Variants in CDH18 observed in about 807,000 individuals in gnomAD.
CDH18 encodes cadherin 18, also known as cadherin-18.
In CDH18, 31 loss-of-function variants were observed where a neutral mutation model predicts 67.9. The ratio of observed to expected loss-of-function variants is 0.46; its 90% CI spans 0.34 to 0.62. CDH18 has a LOEUF of 0.62. Among genes scored for constraint, CDH18 ranks in the 20% least tolerant of loss-of-function variants. CDH18 has a pLI of 0.01. For synonymous variants in CDH18, 362 were observed against 347.2 expected (o/e 1.04, Z -0.48); for missense variants, 890 against 975.5 (o/e 0.91, Z 1.17).
At chr5:20,325,665 AAAAG>A (rs940245723) in intron 1 of CDH18, among the ~76,000 whole-genome samples, 4 of 152,180 alleles carry the variant, frequency 2.6e-5, no homozygotes, top group African/African-American at 2.4e-5. Flanking sequence ...TTAGAAAAAA[AAAAG>A]AAATAAAAAC....
chr5:19,521,348 C>T lies in CDH18; in HGVS notation c.1391-570G>A, dbSNP rs1030633300. Among the ~76,000 whole-genome samples, 13 of 152,052 alleles carry T rather than the reference C, an allele frequency of 8.5e-5. No homozygotes were observed. The East Asian group carries it at 1.3e-3, about 16-fold the overall frequency. On this transcript the variant is annotated intron_variant, in intron 9 of 12. Coordinates refer to ENST00000382275, the MANE Select transcript of CDH18 (RefSeq NM_004934.5). ...ATACATGCAATTTACATGTAACTCT[C>T]GTAGATATCAAAATATATTCAATAG...
chr5:20,310,317 T>G (rs74745135), intron 1 of CDH18, among the ~76,000 whole-genome samples: 2,135 of 152,316 alleles, frequency 0.014, 54 homozygotes, highest in African/African-American at 0.048. Context: ...TATATCTGTG[T>G]TGTTTTATTT....
In CDH18 at chr5:20,341,807, T is replaced by C. The variant is rs148828301; in HGVS notation, c.-579-86302A>G. Among the ~76,000 whole-genome samples, 1,126 of 152,012 alleles carry C rather than the reference T, an allele frequency of 7.4e-3. 11 individuals are homozygous for C. The highest frequency in any genetic ancestry group is 0.026 in the African/African-American group (1,057 of 41,436). The stretch of plus-strand genomic sequence containing the variant: ...CTGATAGTCCTTGATGTGAACTGTT[T>C]AGAGAGTCATGCAAAAAAAAAATGC... On this transcript the variant is annotated intron_variant, in intron 1 of 14. Transcript: ENST00000507958.
At chr5:20,138,073 C>G (rs1749892603) in intron 2 of CDH18, among the ~76,000 whole-genome samples, 1 of 152,016 alleles carries the variant, frequency 6.6e-6, no homozygotes, top group Non-Finnish European at 1.5e-5. Context: ...CAATAAAATA[C>G]TGGCAAACCG....
upstream of CDH18, among the ~76,000 whole-genome samples, chr5:19,992,525 G>A (rs150270176): frequency 6.6e-3 from 1,001 of 150,882 alleles, 11 homozygotes; most frequent in South Asian, 0.03. Flanking sequence ...CTAGAGTTAA[G>A]CAAATATTTT....
intron 2 of CDH18, among the ~76,000 whole-genome samples, chr5:19,855,577 T>C (rs1784195817): frequency 6.6e-6 from 1 of 152,074 alleles, no homozygotes. Context: ...CACCTCCCCA[T>C]CCCTCTGCTC....
intron 11 of CDH18, among the ~76,000 whole-genome samples, chr5:19,490,014 C>G (rs1270745239): frequency 6.6e-6 from 1 of 151,610 alleles, no homozygotes; most frequent in Non-Finnish European, 1.5e-5. Flanking sequence ...AGTCTGAACT[C>G]CAAGAGAAAA....
chr5:19,750,453 G>A (rs1366223485), intron 3 of CDH18, among the ~76,000 whole-genome samples: 1 of 152,048 alleles, frequency 6.6e-6, no homozygotes, highest in Non-Finnish European at 1.5e-5. Flanking sequence ...TGCAGACACA[G>A]AAAACTTGAC....
intron 1 of CDH18, among the ~76,000 whole-genome samples, chr5:20,444,967 T>C (rs951870032): frequency 1.3e-5 from 2 of 152,178 alleles, no homozygotes; most frequent in African/African-American, 4.8e-5. Context: ...CATTTATATA[T>C]AATAATCATT....
chr5:20,400,830 A>G (rs1039380494), intron 1 of CDH18, among the ~76,000 whole-genome samples: 2 of 152,198 alleles, frequency 1.3e-5, no homozygotes, highest in Non-Finnish European at 2.9e-5. Flanking sequence ...AAGTAAACAA[A>G]TAAACCTAAT....
At chr5:19,923,163 C>T (rs566971678) in intron 2 of CDH18, among the ~76,000 whole-genome samples, 5 of 152,238 alleles carry the variant, frequency 3.3e-5, no homozygotes, top group African/African-American at 9.6e-5. Context: ...ACATGAGGCT[C>T]TTTAACTGAC....
intron 1 of CDH18, among the ~76,000 whole-genome samples, chr5:20,291,401 G>A (rs1432671510): frequency 6.6e-6 from 1 of 152,126 alleles, no homozygotes; most frequent in Non-Finnish European, 1.5e-5. Flanking sequence ...ATGGTCTTAA[G>A]GGTGATGGTG....
chr5:20,095,416 AAAG>A, intron 2 of CDH18, among the ~76,000 whole-genome samples: 1 of 142,590 alleles, frequency 7.0e-6, no homozygotes, highest in Non-Finnish European at 1.5e-5. Flanking sequence ...AGAAAGAAAG[AAAG>A]AAAGAAAGAA....
intron 2 of CDH18, among the ~76,000 whole-genome samples, chr5:20,180,265 T>A (rs1441333200): frequency 6.6e-6 from 1 of 152,156 alleles, no homozygotes; most frequent in Non-Finnish European, 1.5e-5. Flanking sequence ...TCCATATGGA[T>A]AAGATAGGGC....
At chr5:20,502,482 T>C (rs957933071) in intron 1 of CDH18, among the ~76,000 whole-genome samples, 2 of 152,174 alleles carry the variant, frequency 1.3e-5, no homozygotes, top group African/African-American at 4.8e-5. Context: ...ATTATTCAGT[T>C]CTAATGGGTA....
At chr5:20,090,918 G>C (rs968597653) in intron 2 of CDH18, among the ~76,000 whole-genome samples, 37 of 151,640 alleles carry the variant, frequency 2.4e-4, no homozygotes, top group African/African-American at 9.0e-4. Context: ...GTGTGGTGAT[G>C]CATTCCTGTA....
intron 5 of CDH18, among the ~76,000 whole-genome samples, chr5:19,708,986 C>T (rs1337632052): frequency 1.5e-5 from 2 of 134,082 alleles, no homozygotes; most frequent in Non-Finnish European, 3.2e-5. Flanking sequence ...CCAGCCCGGG[C>T]AACAGAACTA....
At chr5:19,856,279 A>G (rs1026641286) in intron 2 of CDH18, among the ~76,000 whole-genome samples, 1 of 152,180 alleles carries the variant, frequency 6.6e-6, no homozygotes, top group African/African-American at 2.4e-5. Context: ...CAAGTTCTAC[A>G]GTTGATTATG....
rs553044497 is a variant in CDH18, at chr5:19,718,502, G to A, written c.643+2845C>T. ...AATTTCAACTAAATTCATTAGTTCT[G>A]AGGATGTTTAACAGCATCATAATTG... On this transcript the variant is annotated intron_variant, in intron 5 of 12. Transcript: ENST00000382275. 3.3e-5 allele frequency among the ~76,000 whole-genome samples: 5 copies of A among 151,908 alleles called. No individual in the cohort carries two copies. In the South Asian group the frequency reaches 1.0e-3, roughly 32 times the overall value.
Sources: gnomAD v4.1 joint callset for allele counts (sites outside exome capture counted in the v4.1 genomes callset) on GRCh38, gnomAD v4.1.1 for gene constraint, MANE v1.5 for transcripts, NCBI Gene and HGNC (gene_info 2026-07-23, HGNC 2026-07-21) for gene names.